Variants in TBCEL observed in about 807,000 individuals in gnomAD.
The protein encoded by TBCEL is tubulin-specific chaperone cofactor E-like protein.
A neutral mutation model predicts 44.2 loss-of-function variants in TBCEL; 15 were observed. That is an observed-to-expected ratio of 0.34 (90% CI 0.23 to 0.52). TBCEL has a LOEUF of 0.52. Ranked by LOEUF, TBCEL falls within the 20% of genes least tolerant of loss-of-function variation. The pLI is 0.95. For synonymous variants in TBCEL, 171 were observed against 185.4 expected (o/e 0.92, Z 0.63); for missense variants, 319 against 506.3 (o/e 0.63, Z 3.55).
chr11:121,034,173 A>G (rs914117212), intron 1 of TBCEL, among the ~76,000 whole-genome samples: 1 of 152,200 alleles, frequency 6.6e-6, no homozygotes, highest in East Asian at 1.9e-4. Context: ...TTGAGGAACA[A>G]TCATATTTTC....
intron 8 of TBCEL, among the ~76,000 whole-genome samples, chr11:121,083,403 G>T (rs1946161039): frequency 6.6e-6 from 1 of 152,224 alleles, no homozygotes; most frequent in Non-Finnish European, 1.5e-5. Context: ...ATAGTTTCCA[G>T]TGCCACTTAC....
chr11:121,053,491 T>C (rs10502246), intron 4 of TBCEL, 60 bp from the exon 5 acceptor site: 134,313 of 1,517,204 alleles, frequency 0.089, 6,388 homozygotes, highest in African/African-American at 0.1. Flanking sequence ...TTCTTGAGCA[T>C]GATTGCTATT....
intron 1 of TBCEL, among the ~76,000 whole-genome samples, chr11:121,028,617 C>T (rs114638540): frequency 0.012 from 1,851 of 152,244 alleles, 38 homozygotes; most frequent in African/African-American, 0.042. Flanking sequence ...ACATATAAAA[C>T]AACACAGTAC....
At position 121,034,955 on chromosome 11, in the gene TBCEL, TAAG is replaced by T. The variant is rs544511016; in HGVS notation, c.-125-1549_-125-1547del. Among the ~76,000 whole-genome samples, 709 of 152,216 alleles carry T rather than the reference TAAG, an allele frequency of 4.7e-3. 5 individuals are homozygous for T. The highest frequency in any genetic ancestry group is 0.017 in the Middle Eastern group (5 of 294). On this transcript the variant is annotated intron_variant, in intron 1 of 8. Coordinates refer to ENST00000683345, the MANE Select transcript of TBCEL (RefSeq NM_001363644.2). ...AGAGGTAAGGGCAAGCTCTTCCAATTAAGGAGGAATAGCATAAGTGTCAGACAT... is the reference window on the plus strand; with the variant it reads ...AGAGGTAAGGGCAAGCTCTTCCAATTGAGGAATAGCATAAGTGTCAGACAT...
At chr11:121,034,826 G>C (rs142769294) in intron 1 of TBCEL, among the ~76,000 whole-genome samples, 86 of 152,248 alleles carry the variant, frequency 5.6e-4, no homozygotes, top group Middle Eastern at 3.4e-3. Flanking sequence ...CATGAACTTA[G>C]CTCAAAGGAA....
chr11:121,055,684 T>A (rs974801837), intron 6 of TBCEL, among the ~76,000 whole-genome samples: 16 of 151,940 alleles, frequency 1.1e-4, no homozygotes, highest in Admixed American at 2.6e-4. Flanking sequence ...TTTCAAATGC[T>A]GACTTTTTTA....
At chr11:121,031,662 CTTTTTTTTTT>C (rs1159376351) in intron 1 of TBCEL, among the ~76,000 whole-genome samples, 1 of 101,866 alleles carries the variant, frequency 9.8e-6, no homozygotes, top group Non-Finnish European at 2.0e-5. Flanking sequence ...TTTTTTCTTT[CTTTTTTTTTT>C]TTTTTTTTTT....
intron 8 of TBCEL, among the ~76,000 whole-genome samples, chr11:121,075,479 A>T (rs1046720967): frequency 2.0e-5 from 3 of 151,958 alleles, no homozygotes; most frequent in African/African-American, 7.2e-5. Flanking sequence ...TTGCCTTTCC[A>T]TATAAATTTT....
intron 1 of TBCEL, among the ~76,000 whole-genome samples, chr11:121,033,079 T>C (rs995036102): frequency 1.3e-5 from 2 of 152,222 alleles, no homozygotes; most frequent in African/African-American, 4.8e-5. Context: ...AGAATAATGC[T>C]ATGAATCTTT....
rs1201936594 is a variant in TBCEL, at chr11:121,090,661, A to G, written c.*3565A>G. ...CCGCAGTTAATGGAAATATATATAC[A>G]TATATATATATATTTTATTTAGAAT... On this transcript the variant is annotated 3_prime_UTR_variant, in exon 9 of 9. Transcript: ENST00000683345. The G allele has an allele frequency of 1.4e-5, 2 of 143,582 alleles. No individual in the cohort carries two copies. Among genetic ancestry groups the G allele is most frequent in the Non-Finnish European group, 3.0e-5 (2 of 67,134 alleles). The allele number at this position is 143,582 out of a possible 1,614,324, so 8.9% of individuals were successfully genotyped here.
At chr11:121,079,272 A>G (rs1188414457) in intron 8 of TBCEL, among the ~76,000 whole-genome samples, 1 of 152,202 alleles carries the variant, frequency 6.6e-6, no homozygotes, top group Non-Finnish European at 1.5e-5. Context: ...AAGAAAAGAG[A>G]GCCCAGGAGT....
rs1183449710 is a variant in TBCEL at position 121,090,451 on chromosome 11, C to G, written c.*3355C>G. 3.9e-5 allele frequency: 6 copies of G among 151,968 alleles called. No individual in the cohort carries two copies. In the East Asian group the frequency reaches 1.2e-3, roughly 29 times the overall value. 9.4% of individuals were successfully genotyped at this position (151,968 alleles called of 1,614,324 possible). Reference sequence around the variant, plus strand: ...TTCGGTTTGTGAATTTGATTTTTCCCTTCATTTCATGTCATATTGAAAATG... The same window carrying G: ...TTCGGTTTGTGAATTTGATTTTTCCGTTCATTTCATGTCATATTGAAAATG... On this transcript the variant is annotated 3_prime_UTR_variant, in exon 9 of 9. Transcript: ENST00000683345.
At chr11:121,045,623 T>A in intron 2 of TBCEL, 51 bp from the exon 3 acceptor site, 1 of 1,436,894 alleles carries the variant, frequency 7.0e-7, no homozygotes, top group Non-Finnish European at 9.4e-7. Flanking sequence ...ATACTTCTTA[T>A]GTGAGTAAAT....
chr11:121,061,357 G>C (rs1171348579), intron 8 of TBCEL, among the ~76,000 whole-genome samples: 1 of 151,730 alleles, frequency 6.6e-6, no homozygotes. Flanking sequence ...TACTACAAAA[G>C]GTTTTTTGTA....
chr11:121,045,523 C>T, intron 2 of TBCEL, among the ~76,000 whole-genome samples, 151 bp from the exon 3 acceptor site: 1 of 152,074 alleles, frequency 6.6e-6, no homozygotes, highest in South Asian at 2.1e-4. Context: ...TAAGCTGTCA[C>T]CACAGTATAT....
At position 121,045,729 on chromosome 11, in the gene TBCEL, A is replaced by G. The variant is rs1312405897; in HGVS notation, c.39A>G (p.Leu13=). 5 of 1,609,726 alleles carry G rather than the reference A, an allele frequency of 3.1e-6. No homozygotes were observed. Among genetic ancestry groups the G allele is most frequent in the South Asian group, 1.1e-5 (1 of 90,004 alleles). ...QPSGRSFMQV[L]CEKYSPENFP... is the part of the protein sequence containing the mutation. ...GTGGAAGAAGTTTCATGCAAGTATT[A>G]TGTGAAAAATATAGTCCTGAAAATT... The change falls in exon 3 of 9, where the codon TTA becomes TTG. Residue 13 remains leucine (L), a synonymous_variant. Coordinates refer to ENST00000683345, the MANE Select transcript of TBCEL (RefSeq NM_001363644.2).
intron 8 of TBCEL, among the ~76,000 whole-genome samples, chr11:121,060,392 A>G (rs920484720): frequency 6.6e-6 from 1 of 151,824 alleles, no homozygotes; most frequent in Non-Finnish European, 1.5e-5. Flanking sequence ...TCTTTGGGGT[A>G]CATTTTTACC....
chr11:121,056,348 G>A lies in TBCEL; in HGVS notation c.712+1040G>A, dbSNP rs531461520. Among the ~76,000 whole-genome samples the A allele has an allele frequency of 5.3e-5, 8 of 151,768 alleles. No homozygotes were observed. In the South Asian group the frequency reaches 1.7e-3, roughly 32 times the overall value. ...GTGCTGAATACTATTCCATTTTCTG[G>A]ATGTACTACAGTTTATTTTATCTAC... On this transcript the variant is annotated intron_variant, in intron 6 of 8. Transcript: ENST00000683345.
At chr11:121,059,214 T>C (rs1015783167) in intron 7 of TBCEL, among the ~76,000 whole-genome samples, 25 of 152,138 alleles carry the variant, frequency 1.6e-4, no homozygotes, top group South Asian at 1.5e-3. Flanking sequence ...CAGATCCTTA[T>C]GCTTTGCAGT....
Sources: gnomAD v4.1 joint callset for allele counts (sites outside exome capture counted in the v4.1 genomes callset) on GRCh38, gnomAD v4.1.1 for gene constraint, MANE v1.5 for transcripts, NCBI Gene and HGNC (gene_info 2026-07-23, HGNC 2026-07-21) for gene names.